TBC1D32: variants seen among roughly 807,000 people sequenced by gnomAD.
TBC1D32 encodes protein broad-minded.
TBC1D32 carries 151 observed loss-of-function variants against 170.3 expected under a neutral mutation model. The ratio of observed to expected loss-of-function variants is 0.89; its 90% confidence interval spans 0.78 to 1.01. The LOEUF is 1.01. TBC1D32 is among the 50% of genes least tolerant of loss of function. The probability of loss-of-function intolerance (pLI) is 0.00; values close to 1 mark genes in which losing one functional copy is unlikely to be tolerated. For missense variants in TBC1D32, 1,464 were observed against 1,457.1 expected, an observed-to-expected ratio of 1.00 and a Z score of -0.08; for synonymous variants, 498 against 488.0, an observed-to-expected ratio of 1.02 and a Z score of -0.27.
rs114337428 is a variant in TBC1D32 at position 121,249,522 on chromosome 6, A to T, written c.2018+5806T>A. Among the ~76,000 whole-genome samples the T allele has an allele frequency of 2.4e-3, 370 of 152,172 alleles. 1 individual carries two copies. Among genetic ancestry groups the T allele is most frequent in the African/African-American group, 8.3e-3 (346 of 41,550 alleles). On this transcript the variant is annotated intron_variant, in intron 17 of 31. Coordinates refer to ENST00000398212, the MANE Select transcript of TBC1D32 (RefSeq NM_152730.6). ...ATCCAAACTAGAAAAGAGGAAGTCA[A>T]ACTGTCACTTTCTGCTGATTATATG...
At chr6:121,255,961 G>T in intron 16 of TBC1D32, 123 bp downstream of exon 16, 1 of 808,140 alleles carries the variant, frequency 1.2e-6, no homozygotes, top group Non-Finnish European at 2.0e-6. Context: ...CTAGAGTACT[G>T]TGATGCTAAA....
chr6:121,269,910 G>C (rs1460755537), intron 15 of TBC1D32, among the ~76,000 whole-genome samples: 1 of 152,054 alleles, frequency 6.6e-6, no homozygotes, highest in Admixed American at 6.6e-5. Context: ...ATAACAAACT[G>C]TCTCTCAGAC....
intron 26 of TBC1D32, among the ~76,000 whole-genome samples, chr6:121,121,728 C>T (rs1188403656): frequency 6.6e-6 from 1 of 151,948 alleles, no homozygotes; most frequent in Non-Finnish European, 1.5e-5. Flanking sequence ...TTTATCCATT[C>T]TTTCCTTTAT....
chr6:121,303,382 T>C (rs971902041), intron 9 of TBC1D32, among the ~76,000 whole-genome samples: 14 of 152,132 alleles, frequency 9.2e-5, no homozygotes, highest in Non-Finnish European at 7.4e-5. Context: ...ATTCTGGCTC[T>C]GACACTTAAT....
At chr6:121,294,722 G>T (rs189862526) in intron 10 of TBC1D32, 62 bp from the exon 11 acceptor site, 2 of 1,244,784 alleles carry the variant, frequency 1.6e-6, no homozygotes, top group East Asian at 4.7e-5. Flanking sequence ...AGAATTAAAA[G>T]AAATTAGTCA....
intron 15 of TBC1D32, among the ~76,000 whole-genome samples, chr6:121,259,003 A>C (rs929836505): frequency 2.6e-5 from 4 of 151,828 alleles, no homozygotes; most frequent in Admixed American, 6.6e-5. Context: ...AAGAAAGAGA[A>C]GAAAGAAAAA....
intron 24 of TBC1D32, among the ~76,000 whole-genome samples, chr6:121,134,967 T>C (rs1331078110): frequency 3.3e-5 from 5 of 150,398 alleles, no homozygotes; most frequent in East Asian, 1.9e-4. Flanking sequence ...AAGGCCCCCC[T>C]GACTGTTCTT....
intron 15 of TBC1D32, among the ~76,000 whole-genome samples, chr6:121,272,290 C>T (rs1801560117): frequency 6.6e-6 from 1 of 152,118 alleles, no homozygotes; most frequent in East Asian, 1.9e-4. Context: ...TTCTGCACAG[C>T]AAAAGAAACT....
chr6:121,223,207 C>G, intron 21 of TBC1D32, 29 bp downstream of exon 21: 1 of 1,363,410 alleles, frequency 7.3e-7, no homozygotes, highest in South Asian at 1.4e-5. Context: ...GCATTTATAA[C>G]AGAGAAAGAT....
intron 20 of TBC1D32, among the ~76,000 whole-genome samples, chr6:121,231,835 T>C (rs1795778891): frequency 6.6e-6 from 1 of 152,204 alleles, no homozygotes; most frequent in East Asian, 1.9e-4. Flanking sequence ...GTCAGATGTA[T>C]AGATTGTGAA....
Position 121,239,164 on chromosome 6 carries a change from T to A in TBC1D32, c.2270A>T (p.Glu757Val), listed in dbSNP as rs756521076. The change falls in exon 20 of 32, where the codon GAA (glutamate) becomes GTA (valine). Residue 757 changes from glutamate to valine, a missense_variant. Transcript: ENST00000398212. ...KSGFINELITELWSNLEYGRD... is the reference protein window; with the variant it reads ...KSGFINELITVLWSNLEYGRD... ...TCCATATTCCAGATTGGACCATAAT[T>A]CAGTTATAAGTTCATTAATAAACCC... 1 of 1,598,878 alleles carries A rather than the reference T, an allele frequency of 6.3e-7. No homozygotes were observed.
At chr6:121,215,588 A>C (rs2128318439) in intron 21 of TBC1D32, among the ~76,000 whole-genome samples, 1 of 152,328 alleles carries the variant, frequency 6.6e-6, no homozygotes, top group Non-Finnish European at 1.5e-5. Context: ...GTATGAGAGA[A>C]AATATTTACA....
intron 21 of TBC1D32, among the ~76,000 whole-genome samples, chr6:121,216,775 C>T (rs1793881059): frequency 1.3e-5 from 2 of 152,266 alleles, no homozygotes; most frequent in Middle Eastern, 3.4e-3. Context: ...TGTCTCCTGG[C>T]TTCAGAAGAA....
At chr6:121,259,299 A>G (rs767041864) in intron 15 of TBC1D32, among the ~76,000 whole-genome samples, 3 of 152,108 alleles carry the variant, frequency 2.0e-5, no homozygotes, top group Non-Finnish European at 2.9e-5. Context: ...CTCCACCTCA[A>G]AAAAATAAAC....
At chr6:121,312,082 T>C (rs1224977127) in intron 3 of TBC1D32, among the ~76,000 whole-genome samples, 1 of 152,124 alleles carries the variant, frequency 6.6e-6, no homozygotes, top group Non-Finnish European at 1.5e-5. Context: ...GAAATCATCA[T>C]CTGTCTTGGA....
At chr6:121,285,057 A>T (rs1803583183) in intron 12 of TBC1D32, among the ~76,000 whole-genome samples, 1 of 152,208 alleles carries the variant, frequency 6.6e-6, no homozygotes, top group South Asian at 2.1e-4. Flanking sequence ...GAGTATTCAA[A>T]ATAAATATAC....
intron 30 of TBC1D32, among the ~76,000 whole-genome samples, chr6:121,105,018 T>C (rs1038470091): frequency 3.3e-5 from 5 of 151,816 alleles, no homozygotes; most frequent in Admixed American, 2.6e-4. Context: ...TAAGACATAA[T>C]ACAAAGTTAC....
chr6:121,248,059 C>T (rs777926609), intron 17 of TBC1D32, among the ~76,000 whole-genome samples: 2 of 151,930 alleles, frequency 1.3e-5, no homozygotes, highest in Non-Finnish European at 2.9e-5. Context: ...AGATAGACCA[C>T]ACGATAAGCC....
At chr6:121,189,920 G>A (rs1466499264) in intron 22 of TBC1D32, among the ~76,000 whole-genome samples, 1 of 151,890 alleles carries the variant, frequency 6.6e-6, no homozygotes, top group Non-Finnish European at 1.5e-5. Context: ...TGGAATTATG[G>A]ACAAGATACA....
Sources: allele counts gnomAD v4.1 joint callset (sites outside exome capture counted in the v4.1 genomes callset), GRCh38; gene constraint gnomAD v4.1.1; transcripts MANE v1.5; gene names NCBI Gene and HGNC (gene_info 2026-07-23, HGNC 2026-07-21).